BANP: variants seen among roughly 807,000 people sequenced by gnomAD.
The protein encoded by BANP is protein BANP.
Under a neutral mutation model 68.1 loss-of-function variants are expected in BANP, and 11 were observed. The ratio of observed to expected loss-of-function variants is 0.16; its 90% CI spans 0.10 to 0.27. The LOEUF is 0.27. Ranked by LOEUF, BANP falls within the 10% of genes least tolerant of loss-of-function variation. The pLI, the probability that BANP is intolerant of heterozygous loss-of-function variation, is 1.00. For missense variants in BANP, 504 were observed against 722.7 expected, an observed-to-expected ratio of 0.70 and a Z score of 3.47; for synonymous variants, 329 against 303.2, an observed-to-expected ratio of 1.09 and a Z score of -0.88.
chr16:88,006,863 A>C (rs534569449), intron 6 of BANP, among the ~76,000 whole-genome samples: 52 of 150,550 alleles, frequency 3.5e-4, no homozygotes, highest in African/African-American at 1.2e-3. Flanking sequence ...GAGGCGGGAG[A>C]ATTGCTTGAA....
rs1229751623 is a variant in BANP, at chr16:88,077,277, A to G, written c.*616A>G. Reference sequence around the variant, plus strand: ...TAGGGGAAATGCTCTTAAACACTGTAATTATGCATTTCTAATGAAATAAAA... The same window carrying G: ...TAGGGGAAATGCTCTTAAACACTGTGATTATGCATTTCTAATGAAATAAAA... On this transcript the variant is annotated 3_prime_UTR_variant, in exon 14 of 14. Transcript: ENST00000682872. 1 of 152,324 alleles carries G rather than the reference A, an allele frequency of 6.6e-6. No individual in the cohort carries two copies. Among genetic ancestry groups the G allele is most frequent in the African/African-American group, 2.4e-5 (1 of 41,474 alleles). 9.4% of individuals were successfully genotyped at this position (152,324 alleles called of 1,614,324 possible).
chr16:87,988,528 G>A (rs1218664825), intron 4 of BANP, among the ~76,000 whole-genome samples: 3 of 152,016 alleles, frequency 2.0e-5, no homozygotes, highest in Non-Finnish European at 4.4e-5. Context: ...GCCTCCCAAA[G>A]TGCTGGGATT....
intron 1 of BANP, among the ~76,000 whole-genome samples, chr16:87,961,744 T>G (rs2059195257): frequency 1.3e-5 from 2 of 152,126 alleles, no homozygotes; most frequent in South Asian, 4.1e-4. Context: ...AAGAGGTGAT[T>G]GGATCATGAG....
At chr16:88,017,956 G>A (rs1488713320) in intron 6 of BANP, among the ~76,000 whole-genome samples, 1 of 152,144 alleles carries the variant, frequency 6.6e-6, no homozygotes, top group Admixed American at 6.5e-5. Flanking sequence ...ACGCCAGGCC[G>A]GCTGCTGATG....
chr16:87,951,248 C>T (rs913478923), upstream of BANP, among the ~76,000 whole-genome samples: 1 of 152,208 alleles, frequency 6.6e-6, no homozygotes, highest in African/African-American at 2.4e-5. Flanking sequence ...GAAAAAAGCC[C>T]TGGGAAGCCG....
chr16:88,066,807 C>T (rs570304449), intron 12 of BANP, among the ~76,000 whole-genome samples: 4 of 152,132 alleles, frequency 2.6e-5, no homozygotes, highest in Non-Finnish European at 5.9e-5. Context: ...GCCTTCAAAA[C>T]GCCGCTCCCA....
At chr16:87,989,429 A>C (rs12932834) in intron 4 of BANP, among the ~76,000 whole-genome samples, 3 of 152,116 alleles carry the variant, frequency 2.0e-5, no homozygotes, top group African/African-American at 7.2e-5. Context: ...GGGCACGCAC[A>C]TGCTCACGTT....
At chr16:88,023,368 G>A (rs1252071901) in intron 7 of BANP, among the ~76,000 whole-genome samples, 1 of 152,166 alleles carries the variant, frequency 6.6e-6, no homozygotes, top group Non-Finnish European at 1.5e-5. Context: ...GAAGGTGGCC[G>A]GCTTGGCCTG....
Position 87,957,442 on chromosome 16 carries a change from C to T in BANP, c.-69+5927C>T, listed in dbSNP as rs1043442748. 3.9e-5 allele frequency among the ~76,000 whole-genome samples: 6 copies of T among 152,194 alleles called. No individual in the cohort carries two copies. The highest frequency in any genetic ancestry group is 5.9e-5 in the Non-Finnish European group (4 of 68,022). ...GTCCACATTCTGTCGTGGTTGAGAC[C>T]GGATCCTGTGTGGACCGGGTGGGCT... On this transcript the variant is annotated intron_variant, in intron 1 of 13. Transcript: ENST00000682872. The surrounding 1 kb of genome is among the most constrained non-coding windows in gnomAD (Gnocchi z 4.3).
At position 87,955,937 on chromosome 16, in the gene BANP, T is replaced by C. The variant is rs112627297; in HGVS notation, c.-69+4422T>C. On this transcript the variant is annotated intron_variant, in intron 1 of 13. Coordinates refer to ENST00000682872, the MANE Select transcript of BANP (RefSeq NM_001386991.1). ...TCCAGGTCTTGAAAGACAGGGAGGC[T>C]CAGAATTTCCTGCAGGCAGGTGGCC... 4.6e-5 allele frequency among the ~76,000 whole-genome samples: 7 copies of C among 152,206 alleles called. 1 individual carries two copies. The highest frequency in any genetic ancestry group is 1.7e-4 in the African/African-American group (7 of 41,530).
rs546950829 is a variant in BANP at position 88,033,314 on chromosome 16, G to A, written c.1200+69G>A. 2.1e-5 allele frequency: 30 copies of A among 1,406,814 alleles called. No individual in the cohort carries two copies. The African/African-American group carries it at 2.4e-4, about 11-fold the overall frequency. 87.1% of individuals were successfully genotyped at this position (1,406,814 alleles called of 1,614,324 possible). ...GGGTGGGCCACGGCAGGGCCATGGC[G>A]GCTTCCACCGGTTCCGCTGTGTTTT... On this transcript the variant is annotated intron_variant, in intron 9 of 13. Coordinates refer to ENST00000682872, the MANE Select transcript of BANP (RefSeq NM_001386991.1).
At chr16:87,954,893 T>A (rs187331454) in intron 1 of BANP, among the ~76,000 whole-genome samples, 107 of 152,382 alleles carry the variant, frequency 7.0e-4, no homozygotes, top group African/African-American at 2.5e-3. Context: ...TCACTCCACC[T>A]TCCTGCTTCC....
At chr16:88,041,711 G>C (rs1236560562) in intron 11 of BANP, among the ~76,000 whole-genome samples, 2 of 152,126 alleles carry the variant, frequency 1.3e-5, no homozygotes, top group Admixed American at 6.5e-5. Flanking sequence ...GCCAACAGTC[G>C]TGGTGCGCGC....
chr16:88,044,925 T>C (rs1239892787), intron 11 of BANP, among the ~76,000 whole-genome samples: 1 of 152,088 alleles, frequency 6.6e-6, no homozygotes, highest in Non-Finnish European at 1.5e-5. Flanking sequence ...GAGCTTGCAT[T>C]GAGCTGAGAT....
intron 4 of BANP, among the ~76,000 whole-genome samples, chr16:87,990,240 A>G (rs1320231403): frequency 6.6e-6 from 1 of 152,234 alleles, no homozygotes; most frequent in East Asian, 1.9e-4. Context: ...TTAAAGAACT[A>G]GCATGTTTCT....
intron 12 of BANP, among the ~76,000 whole-genome samples, chr16:88,070,733 G>C (rs987187485): frequency 6.6e-6 from 1 of 152,166 alleles, no homozygotes; most frequent in African/African-American, 2.4e-5. Context: ...TCCTAGATTT[G>C]TCATGTGGCA....
At chr16:87,964,496 G>C (rs1229923147) in intron 1 of BANP, among the ~76,000 whole-genome samples, 5 of 152,242 alleles carry the variant, frequency 3.3e-5, no homozygotes, top group Admixed American at 3.3e-4. Context: ...CCTGAGCTGA[G>C]TGTATCCCTG....
At chr16:88,069,641 A>G (rs1249824533) in intron 12 of BANP, among the ~76,000 whole-genome samples, 1 of 152,184 alleles carries the variant, frequency 6.6e-6, no homozygotes, top group African/African-American at 2.4e-5. Context: ...AACCCCACCC[A>G]GGTCTCAGTT....
At position 88,076,614 on chromosome 16, in the gene BANP, C is replaced by G. The variant is rs776443093; in HGVS notation, c.1546C>G (p.Leu516Val). The change falls in exon 14 of 14, where the codon CTA becomes GTA. Residue 516 changes from leucine (L) to valine (V), a missense_variant. Coordinates refer to ENST00000682872, the MANE Select transcript of BANP (RefSeq NM_001386991.1). ...GACGGCCGAAGCCCTGCAGCCCACG[C>G]TACAGCCGGAGATGCAGCTCGAGCA... ...AQTAEALQPTLQPEMQLEHGA... is the reference protein window; with the variant it reads ...AQTAEALQPTVQPEMQLEHGA... The G allele has an allele frequency of 6.2e-7, 1 of 1,612,262 alleles. No homozygotes were observed. Among genetic ancestry groups the G allele is most frequent in the Non-Finnish European group, 8.5e-7 (1 of 1,179,742 alleles).
Sources: gnomAD v4.1 joint callset for allele counts (sites outside exome capture counted in the v4.1 genomes callset) on GRCh38, gnomAD v4.1.1 for gene constraint, Gnocchi (gnomAD v3.1) non-coding constraint, MANE v1.5 for transcripts, NCBI Gene and HGNC (gene_info 2026-07-23, HGNC 2026-07-21) for gene names.